CUX1: variants seen among roughly 807,000 people sequenced by gnomAD.
The protein encoded by CUX1 is cut like homeobox 1.
Under a neutral mutation model 158.8 loss-of-function variants are expected in CUX1, and 31 were observed. That is an observed-to-expected ratio of 0.20 (90% CI 0.15 to 0.26). The LOEUF (loss-of-function observed/expected upper bound fraction) is 0.26, where lower values mean the gene tolerates loss of function less well. Among genes scored for constraint, CUX1 ranks in the 10% least tolerant of loss-of-function variants. The pLI, the probability that CUX1 is intolerant of heterozygous loss-of-function variation, is 1.00. For missense variants in CUX1, 1,589 were observed against 2,014.6 expected, an observed-to-expected ratio of 0.79 and a Z score of 4.04; for synonymous variants, 879 against 862.1, an observed-to-expected ratio of 1.02 and a Z score of -0.34.
rs180728003 is a variant in CUX1 at position 101,949,649 on chromosome 7, G to C, written c.141+33424G>C. Among the ~76,000 whole-genome samples, 13 of 151,946 alleles carry C rather than the reference G, an allele frequency of 8.6e-5. 1 individual carries two copies. On this transcript the variant is annotated intron_variant, in intron 2 of 23. Transcript: ENST00000292535. ...GGGTTCAAGTGATTCTCGTGCCTCA[G>C]CCTCTCAAGTAGCTGGGATTATAGG...
intron 8 of CUX1, among the ~76,000 whole-genome samples, chr7:102,148,862 GT>G (rs1211606862): frequency 6.6e-6 from 1 of 150,818 alleles, no homozygotes; most frequent in African/African-American, 2.4e-5. Context: ...TTCCCCGCAA[GT>G]CCCCAGAGTC....
intron 3 of CUX1, among the ~76,000 whole-genome samples, chr7:102,048,518 A>G (rs1181327720): frequency 6.6e-6 from 1 of 152,118 alleles, no homozygotes; most frequent in Non-Finnish European, 1.5e-5. Flanking sequence ...GCACATGACC[A>G]CTATTAATCA....
intron 3 of CUX1, among the ~76,000 whole-genome samples, chr7:102,030,671 A>G (rs1820639029): frequency 1.3e-5 from 1 of 78,394 alleles, no homozygotes; most frequent in South Asian, 3.6e-4. Flanking sequence ...CTGTCTATCT[A>G]ATTTTCTATT....
upstream of CUX1, among the ~76,000 whole-genome samples, chr7:101,816,408 C>CCGCCGCCGCCGCCAG (rs974213083): frequency 1.4e-5 from 2 of 143,114 alleles, no homozygotes; most frequent in East Asian, 2.1e-4. Flanking sequence ...GGGCCCCGCG[C>CCGCCGCCGCCGCCAG]CGCCGCCGCC....
chr7:101,980,827 C>T (rs1813345851), intron 2 of CUX1, among the ~76,000 whole-genome samples: 1 of 152,238 alleles, frequency 6.6e-6, no homozygotes, highest in South Asian at 2.1e-4. Flanking sequence ...CACAGTGCCC[C>T]ACACCCCGTG....
intron 2 of CUX1, among the ~76,000 whole-genome samples, chr7:101,929,376 G>T (rs1806032192): frequency 6.6e-6 from 1 of 152,072 alleles, no homozygotes; most frequent in Non-Finnish European, 1.5e-5. Context: ...TTTGCTGCTG[G>T]ACTTTCTTTT....
chr7:102,193,894 C>T lies in CUX1; in HGVS notation c.1125+4C>T, dbSNP rs1407808731. The T allele has an allele frequency of 4.3e-6, 7 of 1,613,636 alleles. No individual in the cohort carries two copies. Among genetic ancestry groups the T allele is most frequent in the South Asian group, 1.1e-5 (1 of 91,050 alleles). Reference sequence around the variant, plus strand: ...GTCCGAGGGCGCTGGGACACAGGTACGTGTCTCACCTCAATGGTCAGCACT... The same window carrying T: ...GTCCGAGGGCGCTGGGACACAGGTATGTGTCTCACCTCAATGGTCAGCACT... On this transcript the variant is annotated splice_donor_region_variant and intron_variant, in intron 13 of 23. Coordinates refer to ENST00000292535, the MANE Select transcript of CUX1 (RefSeq NM_181552.4).
intron 2 of CUX1, among the ~76,000 whole-genome samples, chr7:101,991,474 T>G (rs1056279249): frequency 2.0e-5 from 3 of 152,094 alleles, no homozygotes; most frequent in African/African-American, 7.2e-5. Flanking sequence ...AAATATCAGT[T>G]GGGGCCGGGT....
intron 1 of CUX1, among the ~76,000 whole-genome samples, chr7:101,909,942 CAG>C (rs1418484396): frequency 2.0e-5 from 3 of 151,928 alleles, no homozygotes; most frequent in African/African-American, 4.8e-5. Flanking sequence ...TTTTTTGAGA[CAG>C]AGTCTCGCTC....
intron 22 of CUX1, chr7:102,282,858 T>C (rs1792198081): frequency 1.2e-6 from 1 of 863,580 alleles, no homozygotes; most frequent in African/African-American, 2.3e-5. Context: ...TCCTGCCTCA[T>C]GTCCCCCACT....
At chr7:102,031,956 C>T (rs1167885303) in intron 3 of CUX1, among the ~76,000 whole-genome samples, 3 of 148,936 alleles carry the variant, frequency 2.0e-5, no homozygotes, top group East Asian at 1.9e-4. Flanking sequence ...TGGGGTCTGG[C>T]TCTATCACCC....
rs1252799658 is a variant in CUX1, at chr7:102,250,028, T to C, written c.*986T>C. 1.0e-6 allele frequency: 1 copy of C among 977,920 alleles called. No individual in the cohort carries two copies. The highest frequency in any genetic ancestry group is 1.2e-6 in the Non-Finnish European group (1 of 828,572). 60.6% of individuals were successfully genotyped at this position (977,920 alleles called of 1,614,324 possible). A position where few individuals can be genotyped will look rare whatever the true frequency, so the allele number is the denominator to read the frequency against. ...AGGGTTTGTTTAATACACTCCATTC[T>C]AGGCCAAATCAGGACAAAAAAAAGA... is the stretch of plus-strand genomic sequence containing the variant. On this transcript the variant is annotated 3_prime_UTR_variant, in exon 24 of 24. Transcript: ENST00000292535.
chr7:101,987,414 G>A (rs1021370099), intron 2 of CUX1, among the ~76,000 whole-genome samples: 6 of 152,212 alleles, frequency 3.9e-5, no homozygotes, highest in Admixed American at 3.9e-4. Flanking sequence ...ATAGGTTCAA[G>A]CGGAAGAAAT....
intron 2 of CUX1, among the ~76,000 whole-genome samples, chr7:101,946,004 G>A (rs780272794): frequency 5.3e-5 from 8 of 152,278 alleles, no homozygotes; most frequent in South Asian, 2.1e-4. Flanking sequence ...TCAGGAGGGC[G>A]GCACCTGGAG....
intron 3 of CUX1, among the ~76,000 whole-genome samples, chr7:102,059,223 A>G (rs1481340622): frequency 6.6e-6 from 1 of 152,182 alleles, no homozygotes; most frequent in East Asian, 1.9e-4. Flanking sequence ...TGCTGTTTTT[A>G]TCATCTTGGC....
At chr7:102,282,195 A>C (rs575067410) in intron 21 of CUX1, among the ~76,000 whole-genome samples, 41 of 152,304 alleles carry the variant, frequency 2.7e-4, no homozygotes, top group Non-Finnish European at 4.4e-4. Context: ...CGGGCTTCAT[A>C]GGAAGAAGGG....
rs1792025846 is a variant in CUX1, at chr7:101,817,710, C to T, written c.30+41C>T. On this transcript the variant is annotated intron_variant, in intron 1 of 23. Transcript: ENST00000292535. The surrounding 1 kb of genome is among the most constrained non-coding windows in gnomAD (Gnocchi z 4.1). ...GCCAGAAGTCCCGAGGTTGCAGGCG[C>T]GGAGGGAACCGGGGATGTCGGGGGG... The T allele has an allele frequency of 1.9e-6, 3 of 1,546,524 alleles. No homozygotes were observed. The highest frequency in any genetic ancestry group is 2.6e-6 in the Non-Finnish European group (3 of 1,145,500).
At chr7:102,114,130 C>T (rs1831212935) in intron 7 of CUX1, among the ~76,000 whole-genome samples, 2 of 152,192 alleles carry the variant, frequency 1.3e-5, no homozygotes, top group African/African-American at 4.8e-5. Flanking sequence ...CCATACCATA[C>T]TGCCCAGGGA....
At chr7:102,270,407 C>T (rs1791129179) in intron 14 of CUX1, among the ~76,000 whole-genome samples, 1 of 152,248 alleles carries the variant, frequency 6.6e-6, no homozygotes, top group Non-Finnish European at 1.5e-5. Flanking sequence ...CAAAGCACAG[C>T]TCTGGTTGCT....
Sources: gnomAD v4.1 joint callset for allele counts (sites outside exome capture counted in the v4.1 genomes callset) on GRCh38, gnomAD v4.1.1 for gene constraint, Gnocchi (gnomAD v3.1) non-coding constraint, MANE v1.5 for transcripts, NCBI Gene and HGNC (gene_info 2026-07-23, HGNC 2026-07-21) for gene names.